SMG1: variants seen among roughly 807,000 people sequenced by gnomAD.
SMG1 encodes SMG1 nonsense mediated mRNA decay associated PI3K related kinase.
Under a neutral mutation model 419.9 loss-of-function variants are expected in SMG1, and 22 were observed. The ratio of observed to expected loss-of-function variants is 0.05; its 90% CI spans 0.04 to 0.07. The LOEUF (loss-of-function observed/expected upper bound fraction) is 0.07, where lower values mean the gene tolerates loss of function less well. SMG1 is among the 10% of genes least tolerant of loss of function. SMG1 has a pLI of 1.00. For synonymous variants in SMG1, 1,538 were observed against 1,553.5 expected, an observed-to-expected ratio of 0.99 and a Z score of 0.23; for missense variants, 3,185 against 4,342.0, an observed-to-expected ratio of 0.73 and a Z score of 7.49.
chr16:18,820,053 T>C (rs1001489559), intron 55 of SMG1, among the ~76,000 whole-genome samples: 5 of 152,038 alleles, frequency 3.3e-5, no homozygotes, highest in Non-Finnish European at 7.4e-5. Context: ...GCAACCTCTG[T>C]CACCTGGGTT....
At chr16:18,875,121 T>C (rs1373498588) in intron 13 of SMG1, 1 of 152,532 alleles carries the variant, frequency 6.6e-6, no homozygotes, top group Non-Finnish European at 1.5e-5. Flanking sequence ...AAGGTCATTT[T>C]ATGCAATATT....
At chr16:18,868,905 C>T (rs1596555378) in intron 20 of SMG1, among the ~76,000 whole-genome samples, 186 bp from the exon 21 acceptor site, 1 of 152,060 alleles carries the variant, frequency 6.6e-6, no homozygotes, top group Admixed American at 6.6e-5. Flanking sequence ...TTCCACACAA[C>T]TCCCTAAGTT....
intron 8 of SMG1, 156 bp downstream of exon 8, chr16:18,884,934 A>C (rs548574758): frequency 9.8e-5 from 61 of 621,620 alleles, no homozygotes; most frequent in Admixed American, 2.2e-4. Context: ...CTGAAAATAC[A>C]TATTTAGCTA....
In SMG1 at chr16:18,845,534, T is replaced by C. The variant is rs1490583141; in HGVS notation, c.6114A>G (p.Lys2038=). The part of the protein sequence containing the change: ...TAAPAETPHE[K]WFQDNYGDAI... ...CATCACCATAGTTATCCTGAAACCA[T>C]TTTTCATGAGGTGTTTCTGCAGGAG... Residue 2038 remains lysine, a synonymous_variant, in exon 39 of 63, where the codon AAA becomes AAG. Transcript: ENST00000446231. 6.2e-7 allele frequency: 1 copy of C among 1,613,862 alleles called. No individual in the cohort carries two copies. The highest frequency in any genetic ancestry group is 1.7e-5 in the Admixed American group (1 of 60,022).
At chr16:18,871,563 T>C (rs2035824735) in intron 15 of SMG1, 81 bp from the exon 16 acceptor site, 1 of 560,562 alleles carries the variant, frequency 1.8e-6, no homozygotes, top group Non-Finnish European at 3.1e-6. Context: ...CTTCTTACAT[T>C]GGTCTTCTCT....
At chr16:18,849,630 T>C (rs1257565306) in intron 35 of SMG1, among the ~76,000 whole-genome samples, 1 of 152,190 alleles carries the variant, frequency 6.6e-6, no homozygotes, top group Non-Finnish European at 1.5e-5. Context: ...CGGAGAAATG[T>C]ATCTTCTGTG....
chr16:18,857,345 C>T (rs1466950064), intron 29 of SMG1: 1 of 152,202 alleles, frequency 6.6e-6, no homozygotes, highest in Non-Finnish European at 1.5e-5. Flanking sequence ...AATAGTAATT[C>T]TCTAGCCATT....
chr16:18,894,270 A>T (rs1164944152), intron 3 of SMG1, among the ~76,000 whole-genome samples: 2 of 152,176 alleles, frequency 1.3e-5, no homozygotes, highest in East Asian at 3.9e-4. Context: ...TGGTATCCTG[A>T]ACTTAAAAGT....
chr16:18,817,167 C>T (rs2032088177), intron 57 of SMG1, 124 bp downstream of exon 57: 1 of 684,884 alleles, frequency 1.5e-6, no homozygotes, highest in East Asian at 3.4e-5. Flanking sequence ...GTCCCCCCGC[C>T]CCCCTAACAA....
rs2036180366 is a variant in SMG1, at chr16:18,877,299, T to G, written c.1519-67A>C. On this transcript the variant is annotated intron_variant, in intron 11 of 62. Coordinates refer to ENST00000446231, the MANE Select transcript of SMG1 (RefSeq NM_015092.5). ...CAAAAAGACATGGAGAAACCTTAAA[T>G]GCACACTGATAAGTGAAAGAAGCCA... is the stretch of plus-strand genomic sequence containing the variant. The G allele has an allele frequency of 3.4e-6, 4 of 1,160,722 alleles. No individual in the cohort carries two copies. The South Asian group carries it at 5.5e-5, about 16-fold the overall frequency. The allele number at this position is 1,160,722 out of a possible 1,614,324, so 71.9% of individuals were successfully genotyped here.
intron 36 of SMG1, 33 bp downstream of exon 36, chr16:18,849,184 T>C (rs1476483122): frequency 4.1e-6 from 6 of 1,457,756 alleles, no homozygotes; most frequent in East Asian, 2.5e-5. Flanking sequence ...CAGTCATTTA[T>C]ACTCAAAGTA....
chr16:18,828,454 T>C (rs985864358), intron 54 of SMG1, among the ~76,000 whole-genome samples: 1 of 152,170 alleles, frequency 6.6e-6, no homozygotes, highest in Non-Finnish European at 1.5e-5. Flanking sequence ...AATCAGAGCT[T>C]AAGGAAGTTA....
intron 33 of SMG1, 122 bp downstream of exon 33, chr16:18,851,945 T>A (rs1432525697): frequency 1.9e-6 from 2 of 1,067,828 alleles, no homozygotes; most frequent in African/African-American, 1.6e-5. Context: ...AATGCAGAAG[T>A]TTTTATTTAC....
At chr16:18,860,299 G>C (rs1372659241) in intron 26 of SMG1, among the ~76,000 whole-genome samples, 1 of 152,166 alleles carries the variant, frequency 6.6e-6, no homozygotes, top group Non-Finnish European at 1.5e-5. Flanking sequence ...GCTCAATCCA[G>C]AATACTCATT....
intron 48 of SMG1, 92 bp from the exon 49 acceptor site, chr16:18,835,256 G>C (rs1331028902): frequency 7.8e-7 from 1 of 1,286,870 alleles, no homozygotes; most frequent in Non-Finnish European, 1.1e-6. Flanking sequence ...AAAACTTGAA[G>C]AGTAGAAATC....
At chr16:18,822,554 T>G (rs1238787717) in intron 55 of SMG1, among the ~76,000 whole-genome samples, 1 of 29,758 alleles carries the variant, frequency 3.4e-5, no homozygotes, top group African/African-American at 1.2e-4. Context: ...TTGTCAAAGA[T>G]CAGATAGTTG....
intron 50 of SMG1, among the ~76,000 whole-genome samples, 197 bp downstream of exon 50, chr16:18,834,007 G>A (rs2033383784): frequency 6.6e-6 from 1 of 152,068 alleles, no homozygotes; most frequent in Non-Finnish European, 1.5e-5. Context: ...TACAAATAAA[G>A]CTGCTATAAA....
At position 18,836,535 on chromosome 16, in the gene SMG1, A is replaced by C; in HGVS notation, c.7605-3T>G. The C allele has an allele frequency of 6.2e-7, 1 of 1,611,634 alleles. No homozygotes were observed. Among genetic ancestry groups the C allele is most frequent in the Non-Finnish European group, 8.5e-7 (1 of 1,179,254 alleles). On this transcript the variant is annotated splice_region_variant and splice_polypyrimidine_tract_variant and intron_variant, in intron 46 of 62. Transcript: ENST00000446231. ...GTAGTTGGGTGTGCTCAGAATACCT[A>C]ATCAGGGGGACACAAACAAAATCAA... is the stretch of plus-strand genomic sequence containing the variant.
At chr16:18,837,470 G>T (rs760491629) in intron 45 of SMG1, 27 bp from the exon 46 acceptor site, 1 of 1,582,146 alleles carries the variant, frequency 6.3e-7, no homozygotes, top group South Asian at 1.1e-5. Context: ...CGATTAAGAA[G>T]ACTCTTACAG....
Sources: allele counts gnomAD v4.1 joint callset (sites outside exome capture counted in the v4.1 genomes callset), GRCh38; gene constraint gnomAD v4.1.1; transcripts MANE v1.5; gene names NCBI Gene and HGNC (gene_info 2026-07-23, HGNC 2026-07-21).